The following STOML1 variants were observed in gnomAD, a reference collection of about 807,000 sequenced individuals.
The protein encoded by STOML1 is stomatin like 1.
A neutral mutation model predicts 35.7 loss-of-function variants in STOML1; 27 were observed. That is an observed-to-expected ratio of 0.76 (90% CI 0.56 to 1.04). The LOEUF (loss-of-function observed/expected upper bound fraction) is 1.04. Among genes scored for constraint, STOML1 ranks in the 50% least tolerant of loss-of-function variants. The probability of loss-of-function intolerance (pLI) is 0.00; values close to 1 mark genes in which losing one functional copy is unlikely to be tolerated. For missense variants in STOML1, 451 were observed against 527.1 expected, an observed-to-expected ratio of 0.86 and a Z score of 1.41; for synonymous variants, 219 against 227.9, an observed-to-expected ratio of 0.96 and a Z score of 0.35.
At position 73,990,338 on chromosome 15, in the gene STOML1, C is replaced by G; in HGVS notation, c.240+13G>C. On this transcript the variant is annotated intron_variant, in intron 2 of 6. Coordinates refer to ENST00000541638, the MANE Select transcript of STOML1 (RefSeq NM_004809.5). ...GGCCCAACCACCCTGGGGGCTGACC[C>G]AGCCAGCCTTACCTTCAGGGCAAAC... The G allele has an allele frequency of 6.2e-7, 1 of 1,612,704 alleles. No individual in the cohort carries two copies. Among genetic ancestry groups the G allele is most frequent in the Non-Finnish European group, 8.5e-7 (1 of 1,178,824 alleles).
chr15:73,984,775 G>C lies in STOML1; in HGVS notation c.887C>G (p.Thr296Ser). 1 of 1,614,108 alleles carries C rather than the reference G, an allele frequency of 6.2e-7. No homozygotes were observed. Among genetic ancestry groups the C allele is most frequent in the Non-Finnish European group, 8.5e-7 (1 of 1,180,032 alleles). ...PKQPLAEGLL[T>S]ALQPFLSEAL... ...CTCAGACAGGAAGGGCTGTAGAGCA[G>C]TCAGTAGCCCCTCCGCCAGAGGCTG... Residue 296 changes from threonine (T) to serine (S), a missense_variant, in exon 6 of 7, where the codon ACT (threonine) becomes AGT (serine). Physicochemically the swap from Thr to Ser is moderately conservative, Grantham distance 58. Transcript: ENST00000541638.
rs1055356174 is a variant in STOML1 at position 73,988,774 on chromosome 15, G to C, written c.419C>G (p.Ser140Cys). ...GCGAAACTGGACATCGGCTCCCACG[G>C]ACAGCACAGCCCCGTCCTTAGAGGC... ...KLASKDGAVL[S>C]VGADVQFRIW... Residue 140 changes from serine to cysteine, a missense_variant, in exon 4 of 7, where the codon TCC becomes TGC. Ser to Cys is a moderately radical substitution (Grantham distance 112). Transcript: ENST00000541638. The surrounding 1 kb of genome is among the most constrained non-coding windows in gnomAD (Gnocchi z 4.8). 3.7e-6 allele frequency: 6 copies of C among 1,614,044 alleles called. No homozygotes were observed. In the African/African-American group the frequency reaches 8.0e-5, roughly 22 times the overall value.
chr15:73,991,146 A>C, intron 1 of STOML1: 2 of 388,490 alleles, frequency 5.1e-6, no homozygotes, highest in Non-Finnish European at 7.0e-6. Flanking sequence ...AAAAAACAAA[A>C]ACAAAAAAAA....
rs138042552 is a variant in STOML1, at chr15:73,984,726, G to A, written c.936C>T (p.Ala312=). ...GCAGGACGACATTGAACTGGTAGCAGGCCCCGACTTGGCTGACCAGGGCCT... is the reference window on the plus strand; with the variant it reads ...GCAGGACGACATTGAACTGGTAGCAAGCCCCGACTTGGCTGACCAGGGCCT... ...LSEALVSQVG[A]CYQFNVVLPS... is the part of the protein sequence containing the mutation. The change falls in exon 6 of 7, where the codon GCC becomes GCT. Residue 312 remains alanine, a synonymous_variant. Transcript: ENST00000541638. The A allele has an allele frequency of 2.5e-5, 41 of 1,614,000 alleles. No homozygotes were observed. Among genetic ancestry groups the A allele is most frequent in the Middle Eastern group, 1.6e-4 (1 of 6,084 alleles).
Position 73,985,382 on chromosome 15 carries a change from C to T in STOML1, c.726G>A (p.Leu242=). The T allele has an allele frequency of 6.4e-7, 1 of 1,557,724 alleles. No homozygotes were observed. The highest frequency in any genetic ancestry group is 1.2e-5 in the South Asian group (1 of 82,740). Residue 242 remains leucine (L), a synonymous_variant, in exon 5 of 7, where the codon CTG becomes CTA. Coordinates refer to ENST00000541638, the MANE Select transcript of STOML1 (RefSeq NM_004809.5). ...GPNLDSTLQQ[L]ALHFLGGSMN... ...TGCTTCCTCCCAGGAAGTGCAGGGC[C>T]AGCTGCTGGAGGGTGCTGTCCAGGT...
At position 73,983,643 on chromosome 15, in the gene STOML1, G is replaced by T; in HGVS notation, c.*294C>A. Reference sequence around the variant, plus strand: ...TGTCTCTCCAGTCAGGAAGCCAGCAGGGCAGGGCAGGCCTGGCTCTCCTCC... The same window carrying T: ...TGTCTCTCCAGTCAGGAAGCCAGCATGGCAGGGCAGGCCTGGCTCTCCTCC... On this transcript the variant is annotated 3_prime_UTR_variant, in exon 7 of 7. Coordinates refer to ENST00000541638, the MANE Select transcript of STOML1 (RefSeq NM_004809.5). The T allele has an allele frequency of 2.9e-6, 1 of 339,580 alleles. No homozygotes were observed. Among genetic ancestry groups the T allele is most frequent in the Non-Finnish European group, 5.4e-6 (1 of 185,762 alleles). 21.0% of individuals were successfully genotyped at this position (339,580 alleles called of 1,614,324 possible). A position where few individuals can be genotyped will look rare whatever the true frequency, so the allele number is the denominator to read the frequency against.
intron 2 of STOML1, 100 bp downstream of exon 2, chr15:73,990,251 T>G (rs1279240059): frequency 9.9e-7 from 1 of 1,013,466 alleles, no homozygotes; most frequent in East Asian, 2.6e-5. Context: ...GGGGTAATAA[T>G]ATTTAGGGAA....
At chr15:73,991,375 C>T (rs1011879012) in intron 1 of STOML1, among the ~76,000 whole-genome samples, 1 of 152,236 alleles carries the variant, frequency 6.6e-6, no homozygotes, top group South Asian at 2.1e-4. Context: ...TCCATTCTTC[C>T]AGGAAGCCCT....
intron 2 of STOML1, 83 bp downstream of exon 2, chr15:73,990,268 C>G: frequency 8.1e-7 from 1 of 1,241,126 alleles, no homozygotes; most frequent in Non-Finnish European, 1.2e-6. Context: ...GGAAAGGGGA[C>G]AGAGGATAGG....
intron 1 of STOML1, chr15:73,991,720 G>C: frequency 2.0e-6 from 1 of 495,716 alleles, no homozygotes; most frequent in South Asian, 1.5e-5. Flanking sequence ...CCCTGCAGCA[G>C]GTGCCTTTAG....
At chr15:73,989,081 T>C (rs751245938) in intron 3 of STOML1, 27 bp downstream of exon 3, 1 of 1,553,124 alleles carries the variant, frequency 6.4e-7, no homozygotes, top group South Asian at 1.2e-5. Context: ...CCAGTTCCTC[T>C]GTCAAGGCAG....
In STOML1 at chr15:73,988,279, G is replaced by C. The variant is rs937409124; in HGVS notation, c.594+320C>G. The C allele has an allele frequency of 3.4e-6, 1 of 291,136 alleles. No individual in the cohort carries two copies. Among genetic ancestry groups the C allele is most frequent in the Non-Finnish European group, 6.6e-6 (1 of 150,862 alleles). 18.0% of individuals were successfully genotyped at this position (291,136 alleles called of 1,614,324 possible). ...TCTGCCTGCCCCATGAGTCAGGCCCGGAATGAGAGCTGTAGAAGCCAGTGT... is the reference window on the plus strand; with the variant it reads ...TCTGCCTGCCCCATGAGTCAGGCCCCGAATGAGAGCTGTAGAAGCCAGTGT... On this transcript the variant is annotated intron_variant, in intron 4 of 6. Transcript: ENST00000541638. The surrounding 1 kb of genome is among the most constrained non-coding windows in gnomAD (Gnocchi z 4.8).
chr15:73,985,642 G>T, intron 4 of STOML1, 129 bp from the exon 5 acceptor site: 4 of 1,120,918 alleles, frequency 3.6e-6, no homozygotes, highest in African/African-American at 1.7e-5. Context: ...TCCTAGCCTG[G>T]GAACACAGGC....
intron 1 of STOML1, chr15:73,991,711 C>T (rs1280073188): frequency 4.1e-6 from 2 of 486,280 alleles, no homozygotes; most frequent in Non-Finnish European, 8.1e-6. Context: ...CTTCCATTTC[C>T]CTGCAGCAGG....
rs961136280 is a variant in STOML1 at position 73,981,608 on chromosome 15, C to T, written c.*2329G>A. The T allele has an allele frequency of 4.6e-5, 7 of 152,254 alleles. No individual in the cohort carries two copies. Among genetic ancestry groups the T allele is most frequent in the African/African-American group, 1.7e-4 (7 of 41,448 alleles). The allele number at this position is 152,254 out of a possible 1,614,324, so 9.4% of individuals were successfully genotyped here. On this transcript the variant is annotated 3_prime_UTR_variant, in exon 7 of 7. Coordinates refer to ENST00000541638, the MANE Select transcript of STOML1 (RefSeq NM_004809.5). ...AGTTCCCCGAAGCCCAGTTGCCTGA[C>T]TGCCTCTTCCAGCTGTGCCCTTGCA...
chr15:73,980,007 C>G lies in STOML1; in HGVS notation c.*3930G>C, dbSNP rs1303340083. 6.6e-6 allele frequency: 1 copy of G among 151,226 alleles called. No individual in the cohort carries two copies. Among genetic ancestry groups the G allele is most frequent in the African/African-American group, 2.4e-5 (1 of 41,144 alleles). The allele number at this position is 151,226 out of a possible 1,614,324, so 9.4% of individuals were successfully genotyped here. On this transcript the variant is annotated 3_prime_UTR_variant, in exon 7 of 7. Transcript: ENST00000541638. ...GAGCCACAATCACTGCACTGCACTC[C>G]AGCCTGGGAGACAGAGTGAGACCCT...
Position 73,984,844 on chromosome 15 carries a change from A to G in STOML1, c.818T>C (p.Val273Ala), listed in dbSNP as rs759092673. The stretch of plus-strand genomic sequence containing the variant: ...ACCAACTTGAGGGGCAGGTGGCTCA[A>G]CTTCACTCACCATCTCCACGGTGTC... ...PADTVEMVSE[V>A]EPPAPQVGAR... The change falls in exon 6 of 7, where the codon GTT becomes GCT. Residue 273 changes from valine to alanine, a missense_variant. By Grantham distance (64) the Val-to-Ala change is moderately conservative (BLOSUM62 0). Coordinates refer to ENST00000541638, the MANE Select transcript of STOML1 (RefSeq NM_004809.5). 6.2e-7 allele frequency: 1 copy of G among 1,614,084 alleles called. No homozygotes were observed. The highest frequency in any genetic ancestry group is 8.5e-7 in the Non-Finnish European group (1 of 1,180,028).
At chr15:73,987,054 A>G in intron 4 of STOML1, 1 of 154,058 alleles carries the variant, frequency 6.5e-6, no homozygotes, top group Non-Finnish European at 1.4e-5. Flanking sequence ...GAAGGGGTGA[A>G]ACTGGAGGAA....
Position 73,988,644 on chromosome 15 carries a change from C to T in STOML1, c.549G>A (p.Leu183=), listed in dbSNP as rs1181419949. Residue 183 remains leucine, a synonymous_variant, in exon 4 of 7, where the codon CTG becomes CTA. Coordinates refer to ENST00000541638, the MANE Select transcript of STOML1 (RefSeq NM_004809.5). The surrounding 1 kb of genome is among the most constrained non-coding windows in gnomAD (Gnocchi z 4.8). ...TGAGCTTCTCCATCTGGATCTCCCGCAGCGGCCTCTTGAGCAGGGCCTTGG... is the reference window on the plus strand; with the variant it reads ...TGAGCTTCTCCATCTGGATCTCCCGTAGCGGCCTCTTGAGCAGGGCCTTGG... ...AMTKALLKRP[L]REIQMEKLKI... 1.9e-6 allele frequency: 3 copies of T among 1,614,130 alleles called. No individual in the cohort carries two copies. The highest frequency in any genetic ancestry group is 1.3e-5 in the African/African-American group (1 of 74,932).
Sources: gnomAD v4.1 joint callset for allele counts (sites outside exome capture counted in the v4.1 genomes callset) on GRCh38, gnomAD v4.1.1 for gene constraint, Gnocchi (gnomAD v3.1) non-coding constraint, MANE v1.5 for transcripts, NCBI Gene and HGNC (gene_info 2026-07-23, HGNC 2026-07-21) for gene names.